OSBPL2: variants seen among roughly 807,000 people sequenced by gnomAD.
OSBPL2 encodes oxysterol binding protein like 2.
Under a neutral mutation model 58.4 loss-of-function variants are expected in OSBPL2, and 18 were observed. That is an observed-to-expected ratio of 0.31 (90% CI 0.21 to 0.46). OSBPL2 has a LOEUF of 0.46. OSBPL2 is among the 20% of genes least tolerant of loss of function. The probability of loss-of-function intolerance (pLI) is 1.00; values close to 1 mark genes in which losing one functional copy is unlikely to be tolerated. For missense variants in OSBPL2, 461 were observed against 616.5 expected, an observed-to-expected ratio of 0.75 and a Z score of 2.67; for synonymous variants, 221 against 234.1, an observed-to-expected ratio of 0.94 and a Z score of 0.51.
At chr20:62,258,004 T>C (rs1981044170) in intron 2 of OSBPL2, among the ~76,000 whole-genome samples, 1 of 152,208 alleles carries the variant, frequency 6.6e-6, no homozygotes, top group Admixed American at 6.5e-5. Context: ...TGTCAGCCAC[T>C]GCGCCTGGCC....
intron 12 of OSBPL2, among the ~76,000 whole-genome samples, chr20:62,290,410 G>T (rs1983415519): frequency 1.1e-5 from 1 of 89,882 alleles, no homozygotes; most frequent in Admixed American, 1.4e-4. Flanking sequence ...TAATTTTTTG[G>T]GTTTTTTTTT....
chr20:62,261,446 A>G (rs1373070852), intron 3 of OSBPL2, among the ~76,000 whole-genome samples: 2 of 151,764 alleles, frequency 1.3e-5, no homozygotes, highest in Non-Finnish European at 2.9e-5. Flanking sequence ...AGCTCCAGGG[A>G]GCTGCTCCAG....
chr20:62,252,819 G>A (rs1471909254), intron 1 of OSBPL2, among the ~76,000 whole-genome samples: 1 of 152,266 alleles, frequency 6.6e-6, no homozygotes, highest in Non-Finnish European at 1.5e-5. Context: ...CGCCTCACAT[G>A]GCGCGAGGAG....
At chr20:62,247,274 T>C (rs763999828) in intron 1 of OSBPL2, among the ~76,000 whole-genome samples, 1 of 152,212 alleles carries the variant, frequency 6.6e-6, no homozygotes, top group African/African-American at 2.4e-5. Context: ...CCTCTTGGCT[T>C]AGGCACTGAA....
chr20:62,256,376 G>T (rs1980924855), intron 2 of OSBPL2, among the ~76,000 whole-genome samples, 155 bp downstream of exon 2: 1 of 152,208 alleles, frequency 6.6e-6, no homozygotes, highest in Non-Finnish European at 1.5e-5. Flanking sequence ...AGCAAAACCT[G>T]ACATCCATCT....
chr20:62,259,487 T>C (rs1397378884), intron 2 of OSBPL2, among the ~76,000 whole-genome samples: 1 of 152,092 alleles, frequency 6.6e-6, no homozygotes, highest in Admixed American at 6.6e-5. Flanking sequence ...CCTATCTGGG[T>C]ACAGTTTAGT....
intron 4 of OSBPL2, among the ~76,000 whole-genome samples, chr20:62,266,540 GA>G (rs1352761800): frequency 1.3e-5 from 2 of 152,096 alleles, no homozygotes; most frequent in African/African-American, 4.8e-5. Flanking sequence ...GATCTGCAGT[GA>G]TTGGCTGTGG....
chr20:62,281,987 G>A (rs1470477127), intron 9 of OSBPL2, 108 bp downstream of exon 9: 2 of 652,672 alleles, frequency 3.1e-6, no homozygotes, highest in African/African-American at 1.8e-5. Context: ...TGAGACGCGG[G>A]TACACCAGTG....
Position 62,245,169 on chromosome 20 carries a change from G to A in OSBPL2, c.-129+6572G>A, listed in dbSNP as rs572198110. ...GCTGAAGTGCAGTGGCGCGATCTCG[G>A]CTCACTGCAACCTCCGCCTCATGGG... On this transcript the variant is annotated intron_variant, in intron 1 of 13. Coordinates refer to ENST00000313733, the MANE Select transcript of OSBPL2 (RefSeq NM_144498.4). Among the ~76,000 whole-genome samples the A allele has an allele frequency of 4.9e-4, 74 of 152,098 alleles. 1 individual carries two copies. The highest frequency in any genetic ancestry group is 3.9e-3 in the South Asian group (19 of 4,818).
intron 2 of OSBPL2, among the ~76,000 whole-genome samples, chr20:62,259,756 TGGAGCTCGCTGGGAGC>T (rs1981170381): frequency 1.7e-5 from 1 of 60,456 alleles, no homozygotes; most frequent in South Asian, 7.2e-4. Flanking sequence ...GCCTGGGCAC[TGGAGCTCGCTGGGAGC>T]GCGTTCTTAG....
intron 13 of OSBPL2, among the ~76,000 whole-genome samples, chr20:62,293,313 G>A (rs1273803027): frequency 1.3e-5 from 2 of 152,158 alleles, no homozygotes; most frequent in Non-Finnish European, 2.9e-5. Flanking sequence ...TGCCAGCCGG[G>A]GGCTGTGGAC....
chr20:62,293,755 CT>C, intron 13 of OSBPL2, 29 bp from the exon 14 acceptor site: 10 of 1,607,582 alleles, frequency 6.2e-6, no homozygotes, highest in Non-Finnish European at 7.6e-6. Context: ...GGCTGAGCAT[CT>C]TCTGACCCCC....
At chr20:62,282,392 A>T (rs1014157400) in intron 9 of OSBPL2, among the ~76,000 whole-genome samples, 1 of 152,080 alleles carries the variant, frequency 6.6e-6, no homozygotes, top group South Asian at 2.1e-4. Context: ...CAAATTTTTC[A>T]GTTTTTTTCT....
intron 1 of OSBPL2, among the ~76,000 whole-genome samples, chr20:62,246,715 C>G (rs982999277): frequency 1.3e-5 from 2 of 152,212 alleles, no homozygotes; most frequent in Non-Finnish European, 2.9e-5. Flanking sequence ...CCCTCAGCCC[C>G]TGCCCCTCCC....
At position 62,284,081 on chromosome 20, in the gene OSBPL2, C is replaced by T. The variant is rs769492031; in HGVS notation, c.908C>T (p.Thr303Met). The change falls in exon 10 of 14, where the codon ACG (threonine) becomes ATG (methionine). Residue 303 changes from threonine to methionine, a missense_variant. Thr to Met is a moderately conservative substitution (Grantham distance 81). Around this residue, in one of 5 missense-constraint regions of OSBPL2, gnomAD observed 319 missense variants for 419.2 expected, o/e 0.76. Transcript: ENST00000313733. ...CTCTTTATGATCTATGGCAAATGGA[C>T]GGAATGTTTGTGGGGCATAGATCCT... ...KKLFMIYGKW[T>M]ECLWGIDPVS... The T allele has an allele frequency of 7.4e-6, 12 of 1,613,844 alleles. No homozygotes were observed. Among genetic ancestry groups the T allele is most frequent in the South Asian group, 1.1e-5 (1 of 91,066 alleles).
intron 1 of OSBPL2, among the ~76,000 whole-genome samples, chr20:62,247,660 T>A (rs1029384507): frequency 6.6e-6 from 1 of 151,360 alleles, no homozygotes; most frequent in Non-Finnish European, 1.5e-5. Flanking sequence ...TAGGGTCCTT[T>A]CTTTCTTTCT....
intron 4 of OSBPL2, among the ~76,000 whole-genome samples, chr20:62,267,347 C>T (rs6121970): frequency 0.023 from 3,426 of 152,202 alleles, 49 homozygotes; most frequent in Non-Finnish European, 0.033. Context: ...TATTGATTGC[C>T]GGGGATAGTT....
At chr20:62,273,195 C>T (rs1601182275) in intron 5 of OSBPL2, 114 bp from the exon 6 acceptor site, 1 of 815,742 alleles carries the variant, frequency 1.2e-6, no homozygotes, top group South Asian at 1.5e-5. Flanking sequence ...TGAAAACGCA[C>T]ACGGAACAAA....
chr20:62,280,868 A>C (rs1475111154), intron 7 of OSBPL2, among the ~76,000 whole-genome samples, 190 bp from the exon 8 acceptor site: 2 of 152,376 alleles, frequency 1.3e-5, no homozygotes, highest in East Asian at 3.9e-4. Context: ...GATGCTACAA[A>C]GGAAAGAAGA....
Sources: gnomAD v4.1 joint callset for allele counts (sites outside exome capture counted in the v4.1 genomes callset) on GRCh38, gnomAD v4.1.1 for gene constraint, gnomAD v4.1.1 regional missense constraint, MANE v1.5 for transcripts, NCBI Gene and HGNC (gene_info 2026-07-23, HGNC 2026-07-21) for gene names.